The following CHD1 variants were observed in gnomAD, a reference collection of about 807,000 sequenced individuals.
CHD1 encodes the protein chromodomain helicase DNA binding protein 1, also known as ATP-dependent chromatin remodeler CHD1.
CHD1 carries 36 observed loss-of-function variants against 224.2 expected under a neutral mutation model. The observed-to-expected ratio is 0.16, with a 90% CI of 0.12 to 0.21. The LOEUF (loss-of-function observed/expected upper bound fraction) is 0.21. CHD1 is among the 10% of genes least tolerant of loss of function. CHD1 has a pLI of 1.00. For missense variants in CHD1, 1,378 were observed against 1,994.8 expected (o/e 0.69, Z 5.89); for synonymous variants, 668 against 658.3 (o/e 1.01, Z -0.23).
At chr5:98,920,832 A>G (rs1753045782) in intron 2 of CHD1, among the ~76,000 whole-genome samples, 1 of 152,102 alleles carries the variant, frequency 6.6e-6, no homozygotes, top group Non-Finnish European at 1.5e-5. Context: ...TAGATTTCAA[A>G]AACATTCTAC....
chr5:98,926,478 T>G lies in CHD1; in HGVS notation c.-92A>C. 1.7e-6 allele frequency: 1 copy of G among 594,990 alleles called. No individual in the cohort carries two copies. The highest frequency in any genetic ancestry group is 3.4e-5 in the South Asian group (1 of 29,006). The allele number at this position is 594,990 out of a possible 1,614,324, so 36.9% of individuals were successfully genotyped here. A position where few individuals can be genotyped will look rare whatever the true frequency, so the allele number is the denominator to read the frequency against. On this transcript the variant is annotated 5_prime_UTR_variant, in exon 2 of 36. Coordinates refer to ENST00000614616, the MANE Select transcript of CHD1 (RefSeq NM_001270.4). ...ATACTGACTCCTTGAATATAAAAAT[T>G]CACAGATGAATTTTCTTCAACAGTC...
chr5:98,903,853 T>C lies in CHD1; in HGVS notation c.311A>G (p.Lys104Arg). The part of the protein sequence containing the change: ...LAVQRSAILK[K>R]QQQQQQQQQH... ...TTGTTGCTGCTGCTGCTGTTGCTGCTTCTTGAGGATTGCAGATCTCTGAAC... is the reference window on the plus strand; with the variant it reads ...TTGTTGCTGCTGCTGCTGTTGCTGCCTCTTGAGGATTGCAGATCTCTGAAC... Residue 104 changes from lysine (K) to arginine (R), a missense_variant, in exon 4 of 36, where the codon AAG becomes AGG. By Grantham distance (26) the Lys-to-Arg change is conservative. Transcript: ENST00000614616. 1 of 1,613,414 alleles carries C rather than the reference T, an allele frequency of 6.2e-7. No homozygotes were observed. The highest frequency in any genetic ancestry group is 8.5e-7 in the Non-Finnish European group (1 of 1,179,636).
At chr5:98,868,962 T>C in intron 30 of CHD1, 1 of 786,214 alleles carries the variant, frequency 1.3e-6, no homozygotes, top group Non-Finnish European at 1.6e-6. Flanking sequence ...TCCTAAAATG[T>C]AAATATGCTG....
intron 2 of CHD1, among the ~76,000 whole-genome samples, chr5:98,914,574 T>C (rs1752624062): frequency 6.6e-6 from 1 of 152,188 alleles, no homozygotes; most frequent in South Asian, 2.1e-4. Flanking sequence ...GTCCGATTCC[T>C]GACTGAGGAA....
At chr5:98,916,340 G>A in intron 2 of CHD1, among the ~76,000 whole-genome samples, 1 of 151,938 alleles carries the variant, frequency 6.6e-6, no homozygotes, top group Non-Finnish European at 1.5e-5. Flanking sequence ...GAGTTCAGGA[G>A]TTCGAGACCA....
chr5:98,876,960 G>A (rs1415254271), intron 23 of CHD1, among the ~76,000 whole-genome samples: 2 of 152,174 alleles, frequency 1.3e-5, no homozygotes, highest in Non-Finnish European at 2.9e-5. Flanking sequence ...CTTGAGCCCA[G>A]GAGTTCAAGA....
chr5:98,918,161 C>T (rs1752865690), intron 2 of CHD1, among the ~76,000 whole-genome samples: 1 of 151,722 alleles, frequency 6.6e-6, no homozygotes, highest in Admixed American at 6.6e-5. Flanking sequence ...GGGTTCATGC[C>T]ATTCTCCCGC....
At chr5:98,923,794 T>C (rs1181662160) in intron 2 of CHD1, among the ~76,000 whole-genome samples, 8 of 152,152 alleles carry the variant, frequency 5.3e-5, no homozygotes, top group African/African-American at 1.9e-4. Context: ...GAAAAATATA[T>C]AAAATATTGG....
At chr5:98,882,639 G>A (rs1225332581) in intron 19 of CHD1, among the ~76,000 whole-genome samples, 1 of 151,902 alleles carries the variant, frequency 6.6e-6, no homozygotes, top group Non-Finnish European at 1.5e-5. Context: ...TATTTCTCTA[G>A]GTAAAGGTTC....
chr5:98,911,975 T>A (rs1018140301), intron 2 of CHD1, among the ~76,000 whole-genome samples: 4 of 152,158 alleles, frequency 2.6e-5, no homozygotes, highest in African/African-American at 9.7e-5. Context: ...TTTCCTGAAC[T>A]TAATAAACAA....
In CHD1 at chr5:98,876,515, C is replaced by T. The variant is rs375044501; in HGVS notation, c.3281G>A (p.Arg1094Lys). 6.6e-5 allele frequency: 106 copies of T among 1,613,862 alleles called. No individual in the cohort carries two copies. Among genetic ancestry groups the T allele is most frequent in the Non-Finnish European group, 8.8e-5 (104 of 1,179,914 alleles). The change falls in exon 24 of 36, where the codon AGA becomes AAA. Residue 1094 changes from arginine to lysine, a missense_variant. Coordinates refer to ENST00000614616, the MANE Select transcript of CHD1 (RefSeq NM_001270.4). ...GGAATCACTATCAGATCCAGAGTAT[C>T]TCCTACTTCTACTGCGCCTCCCTTC... ...GSEGRRSRSR[R>K]YSGSDSDSIS...
rs749324131 is a variant in CHD1, at chr5:98,898,632, AG to A, written c.1186+31del. The A allele has an allele frequency of 3.6e-6, 5 of 1,374,928 alleles. No homozygotes were observed. In the East Asian group the frequency reaches 9.2e-5, roughly 25 times the overall value. The allele number at this position is 1,374,928 out of a possible 1,614,324, so 85.2% of individuals were successfully genotyped here. ...TTTTCAGATTATTTCAAGCATAAAAAGAAAGTTTAACTAGAATCATTTATCA... is the reference window on the plus strand; with the variant it reads ...TTTTCAGATTATTTCAAGCATAAAAAAAAGTTTAACTAGAATCATTTATCA... On this transcript the variant is annotated intron_variant, in intron 9 of 35. Transcript: ENST00000614616.
intron 1 of CHD1, among the ~76,000 whole-genome samples, chr5:98,926,913 T>G (rs1753498032): frequency 2.2e-5 from 1 of 46,110 alleles, no homozygotes; most frequent in Non-Finnish European, 3.9e-5. Flanking sequence ...GTCGAATAAA[T>G]GAAGTGGGGG....
Position 98,854,736 on chromosome 5 carries a change from A to G in CHD1, c.*1644T>C, listed in dbSNP as rs1747896633. 6.6e-6 allele frequency: 1 copy of G among 152,176 alleles called. No individual in the cohort carries two copies. Among genetic ancestry groups the G allele is most frequent in the African/African-American group, 2.4e-5 (1 of 41,462 alleles). The allele number at this position is 152,176 out of a possible 1,614,324, so 9.4% of individuals were successfully genotyped here. On this transcript the variant is annotated 3_prime_UTR_variant, in exon 36 of 36. Transcript: ENST00000614616. ...TGGACAAAGGAAAATATTAAAAAAT[A>G]CACCTATGGACAAATATCTGTAGGT... is the stretch of plus-strand genomic sequence containing the variant.
chr5:98,918,241 G>C (rs777803710), intron 2 of CHD1, among the ~76,000 whole-genome samples: 4 of 151,344 alleles, frequency 2.6e-5, no homozygotes, highest in Non-Finnish European at 4.4e-5. Flanking sequence ...TGTATTTTTA[G>C]TAGAGACGGG....
At chr5:98,899,972 C>T (rs542290547) in intron 7 of CHD1, among the ~76,000 whole-genome samples, 15 of 152,168 alleles carry the variant, frequency 9.9e-5, no homozygotes, top group Non-Finnish European at 1.8e-4. Context: ...CTATAATTAT[C>T]CACAATATAT....
intron 17 of CHD1, among the ~76,000 whole-genome samples, chr5:98,886,793 A>C (rs893570355): frequency 1.2e-4 from 18 of 152,120 alleles, no homozygotes; most frequent in Non-Finnish European, 4.4e-5. Flanking sequence ...AAATTTTAAG[A>C]ATAGTGGCAT....
intron 29 of CHD1, among the ~76,000 whole-genome samples, chr5:98,870,460 A>G (rs1354792749): frequency 6.6e-6 from 1 of 152,176 alleles, no homozygotes; most frequent in African/African-American, 2.4e-5. Context: ...ACTAGAAAAA[A>G]AAAACAGAAT....
intron 28 of CHD1, 30 bp from the exon 29 acceptor site, chr5:98,870,833 T>C (rs1749275881): frequency 7.2e-7 from 1 of 1,383,618 alleles, no homozygotes; most frequent in African/African-American, 1.4e-5. Context: ...TTTCAGATTG[T>C]CTTAATAAAT....
Sources: allele counts gnomAD v4.1 joint callset (sites outside exome capture counted in the v4.1 genomes callset), GRCh38; gene constraint gnomAD v4.1.1; transcripts MANE v1.5; gene names NCBI Gene and HGNC (gene_info 2026-07-23, HGNC 2026-07-21).